Variants in ZNF215 observed in about 807,000 individuals in gnomAD.
The protein encoded by ZNF215 is zinc finger protein 215.
Under a neutral mutation model 27.2 loss-of-function variants are expected in ZNF215, and 24 were observed. The observed-to-expected ratio is 0.88, with a 90% confidence interval of 0.64 to 1.24. The LOEUF is 1.24. ZNF215 is among the 50% of genes most tolerant of loss of function. ZNF215 has a pLI of 0.00. For synonymous variants in ZNF215, 210 were observed against 204.0 expected (o/e 1.03, Z -0.25); for missense variants, 675 against 605.7 (o/e 1.11, Z -1.20).
chr11:6,982,467 C>G (rs1382587485), intron 5 of ZNF215, among the ~76,000 whole-genome samples: 1 of 152,038 alleles, frequency 6.6e-6, no homozygotes, highest in Non-Finnish European at 1.5e-5. Context: ...TTTTTCAGCA[C>G]CACACCACAC....
chr11:6,945,177 T>C (rs2133233198), intron 6 of ZNF215, among the ~76,000 whole-genome samples: 1 of 152,316 alleles, frequency 6.6e-6, no homozygotes, highest in Non-Finnish European at 1.5e-5. Context: ...ACCCGAATTC[T>C]TTATTAATTT....
intron 3 of ZNF215, among the ~76,000 whole-genome samples, chr11:6,939,437 A>G (rs1425132069): frequency 6.6e-6 from 1 of 152,172 alleles, no homozygotes; most frequent in African/African-American, 2.4e-5. Context: ...TGAATGCGCA[A>G]TAGCTTAATA....
chr11:6,986,772 A>G (rs1252449926), downstream of ZNF215, among the ~76,000 whole-genome samples: 1 of 152,130 alleles, frequency 6.6e-6, no homozygotes, highest in Non-Finnish European at 1.5e-5. Context: ...TCACTAACAG[A>G]AAAATGCAAA....
intron 5 of ZNF215, among the ~76,000 whole-genome samples, chr11:6,981,365 G>A (rs1371344187): frequency 2.0e-5 from 3 of 151,700 alleles, no homozygotes; most frequent in Non-Finnish European, 2.9e-5. Context: ...GGCCAGTGAT[G>A]GTGAGCATTT....
chr11:6,989,847 C>A (rs753105240), downstream of ZNF215, among the ~76,000 whole-genome samples: 1 of 152,074 alleles, frequency 6.6e-6, no homozygotes, highest in Non-Finnish European at 1.5e-5. Flanking sequence ...GGTCATGTAA[C>A]CTGAGTATGC....
chr11:6,985,059 A>C (rs1466157562), downstream of ZNF215, among the ~76,000 whole-genome samples: 1 of 152,178 alleles, frequency 6.6e-6, no homozygotes, highest in East Asian at 1.9e-4. Context: ...TAAAGGCAGC[A>C]TCACCCTGAG....
intron 6 of ZNF215, among the ~76,000 whole-genome samples, chr11:6,944,628 T>A (rs1849752258): frequency 1.3e-5 from 2 of 152,168 alleles, no homozygotes. Context: ...TAATATAAGT[T>A]CTAGTAAGTG....
intron 5 of ZNF215, among the ~76,000 whole-genome samples, chr11:6,983,312 T>A (rs10839674): frequency 2.0e-5 from 3 of 150,594 alleles, no homozygotes; most frequent in Admixed American, 1.3e-4. Context: ...GATTCACAGC[T>A]GAATTCTACC....
chr11:6,928,105 C>T (rs976503068), intron 2 of ZNF215, among the ~76,000 whole-genome samples: 1 of 151,916 alleles, frequency 6.6e-6, no homozygotes, highest in Non-Finnish European at 1.5e-5. Context: ...GTGTTAATTT[C>T]TGGTTTTGCA....
Position 6,932,563 on chromosome 11 carries a change from G to A in ZNF215, c.291G>A (p.Leu97=), listed in dbSNP as rs1849302335. 2.5e-6 allele frequency: 4 copies of A among 1,614,140 alleles called. No homozygotes were observed. The highest frequency in any genetic ancestry group is 3.4e-6 in the Non-Finnish European group (4 of 1,180,026). Residue 97 remains leucine, a synonymous_variant, in exon 3 of 7, where the codon CTG becomes CTA. Transcript: ENST00000278319. ...AACTGTTGGTGCTGGAACAATTCCT[G>A]GCAATCCTGCCTGAAGAAGTCAGGA... ...IIELLVLEQF[L]AILPEEVRTW...
At position 6,957,880 on chromosome 11, in the gene ZNF215, A is replaced by C; in HGVS notation, c.*1349A>C. The C allele has an allele frequency of 2.0e-6, 2 of 985,402 alleles. No individual in the cohort carries two copies. Among genetic ancestry groups the C allele is most frequent in the South Asian group, 9.4e-5 (2 of 21,284 alleles). The allele number at this position is 985,402 out of a possible 1,614,324, so 61.0% of individuals were successfully genotyped here. A position where few individuals can be genotyped will look rare whatever the true frequency, so the allele number is the denominator to read the frequency against. ...CTTCTGTAAACTACCTCAGGATCCCATCTGGTTCTTGAGCCAAGAAGTATG... is the reference window on the plus strand; with the variant it reads ...CTTCTGTAAACTACCTCAGGATCCCCTCTGGTTCTTGAGCCAAGAAGTATG... On this transcript the variant is annotated 3_prime_UTR_variant, in exon 7 of 7. Transcript: ENST00000278319.
At chr11:6,985,392 C>G (rs969873701), downstream of ZNF215, among the ~76,000 whole-genome samples, 1 of 152,050 alleles carries the variant, frequency 6.6e-6, no homozygotes, top group Non-Finnish European at 1.5e-5. Context: ...AGGAGCATAC[C>G]TCAAAATAAT....
intron 6 of ZNF215, among the ~76,000 whole-genome samples, chr11:6,944,892 TC>T (rs1849762533): frequency 6.6e-6 from 1 of 152,150 alleles, no homozygotes; most frequent in Non-Finnish European, 1.5e-5. Context: ...GGTTTCTAAT[TC>T]CCATAAAATA....
intron 6 of ZNF215, among the ~76,000 whole-genome samples, chr11:6,949,070 A>G (rs1849939241): frequency 6.6e-6 from 1 of 151,082 alleles, no homozygotes; most frequent in South Asian, 2.1e-4. Context: ...CCTACAAAGG[A>G]CATGAACTCA....
chr11:6,994,403 T>C (rs1851154463), intron 6 of ZNF215, among the ~76,000 whole-genome samples: 1 of 152,070 alleles, frequency 6.6e-6, no homozygotes, highest in South Asian at 2.1e-4. Flanking sequence ...TTTAATGACA[T>C]TAAACTTCTA....
At chr11:6,976,547 C>G (rs1850838097) in intron 5 of ZNF215, among the ~76,000 whole-genome samples, 1 of 152,024 alleles carries the variant, frequency 6.6e-6, no homozygotes, top group Non-Finnish European at 1.5e-5. Context: ...ACTTAACTGA[C>G]TTTAGTCTTG....
intron 5 of ZNF215, among the ~76,000 whole-genome samples, chr11:6,963,492 T>G (rs903361759): frequency 2.0e-5 from 3 of 152,106 alleles, no homozygotes; most frequent in African/African-American, 7.2e-5. Context: ...TGTTATTCAT[T>G]TTAAATTTGT....
In ZNF215 at chr11:6,936,155, A is replaced by C. The variant is rs139497462; in HGVS notation, c.400+3483A>C. On this transcript the variant is annotated intron_variant, in intron 3 of 6. Transcript: ENST00000278319. ...GATGAAGAAAGAAAATAAATATTAG[A>C]ACAAAGATAAATGATGTGGAGCCCA... Among the ~76,000 whole-genome samples, 1,211 of 152,176 alleles carry C rather than the reference A, an allele frequency of 8.0e-3. 10 individuals carry two copies. Among genetic ancestry groups the C allele is most frequent in the Admixed American group, 0.012 (186 of 15,286 alleles).
chr11:6,952,084 C>T (rs1242975580), intron 6 of ZNF215, among the ~76,000 whole-genome samples: 2 of 152,320 alleles, frequency 1.3e-5, no homozygotes, highest in African/African-American at 4.8e-5. Flanking sequence ...TTTGATTGCA[C>T]TGTGGTCTGA....
Sources: gnomAD v4.1 joint callset for allele counts (sites outside exome capture counted in the v4.1 genomes callset) on GRCh38, gnomAD v4.1.1 for gene constraint, MANE v1.5 for transcripts, NCBI Gene and HGNC (gene_info 2026-07-23, HGNC 2026-07-21) for gene names.